TLL2: variants seen among roughly 807,000 people sequenced by gnomAD.
The protein encoded by TLL2 is tolloid like 2.
Under a neutral mutation model 123.0 loss-of-function variants are expected in TLL2, and 106 were observed. The observed-to-expected ratio is 0.86, with a 90% CI of 0.74 to 1.01. The LOEUF (loss-of-function observed/expected upper bound fraction) is 1.01, where lower values mean the gene tolerates loss of function less well. Ranked by LOEUF, TLL2 falls within the 50% of genes least tolerant of loss-of-function variation. The pLI, the probability that TLL2 is intolerant of heterozygous loss-of-function variation, is 0.00. For synonymous variants in TLL2, 494 were observed against 516.8 expected, an observed-to-expected ratio of 0.96 and a Z score of 0.60; for missense variants, 1,332 against 1,336.7, an observed-to-expected ratio of 1.00 and a Z score of 0.06.
intron 9 of TLL2, 55 bp from the exon 10 acceptor site, chr10:96,405,389 A>T (rs530202682): frequency 6.5e-7 from 1 of 1,548,504 alleles, no homozygotes; most frequent in African/African-American, 1.4e-5. Flanking sequence ...GGAGTTTGGG[A>T]AGATATATCT....
chr10:96,371,759 C>T (rs1203731938), intron 19 of TLL2, among the ~76,000 whole-genome samples: 1 of 152,236 alleles, frequency 6.6e-6, no homozygotes, highest in African/African-American at 2.4e-5. Flanking sequence ...ATCGATGACC[C>T]CGTGCCTTCT....
intron 2 of TLL2, among the ~76,000 whole-genome samples, chr10:96,477,635 C>G (rs1218322757): frequency 1.3e-5 from 2 of 152,230 alleles, no homozygotes; most frequent in African/African-American, 4.8e-5. Context: ...GTGCTAAGCA[C>G]TTTGCACATA....
At chr10:96,416,472 G>A (rs892711859) in intron 7 of TLL2, among the ~76,000 whole-genome samples, 1 of 152,182 alleles carries the variant, frequency 6.6e-6, no homozygotes, top group African/African-American at 2.4e-5. Context: ...CTCTACAGGG[G>A]AGAAGACTGA....
chr10:96,411,257 CAAAAAAAAAAAAA>C (rs56011735), intron 8 of TLL2, among the ~76,000 whole-genome samples: 4 of 95,170 alleles, frequency 4.2e-5, no homozygotes, highest in Admixed American at 1.1e-4. Context: ...GACTCTGTCT[CAAAAAAAAAAAAA>C]AAAAAAAAAA....
At chr10:96,509,803 T>C (rs1323742012) in intron 1 of TLL2, among the ~76,000 whole-genome samples, 1 of 152,052 alleles carries the variant, frequency 6.6e-6, no homozygotes, top group African/African-American at 2.4e-5. Context: ...AAAAAATAGC[T>C]GGGCATAGTG....
At chr10:96,463,571 G>A (rs1381048226) in intron 2 of TLL2, among the ~76,000 whole-genome samples, 9 of 152,176 alleles carry the variant, frequency 5.9e-5, no homozygotes, top group African/African-American at 9.7e-5. Context: ...GAGTTGTGAG[G>A]GGGCTTCAAG....
Position 96,387,080 on chromosome 10 carries a change from TG to T in TLL2, c.1727-3del. ...CTGGCCAGGAACACTCATCCACCTC[TG>T]GTGGGGAAGGAAGGTGACCCCGGTT... On this transcript the variant is annotated splice_polypyrimidine_tract_variant and splice_region_variant and intron_variant, in intron 13 of 20. Transcript: ENST00000357947. The T allele has an allele frequency of 1.2e-6, 2 of 1,612,316 alleles. No homozygotes were observed. The highest frequency in any genetic ancestry group is 1.1e-5 in the South Asian group (1 of 91,022).
intron 3 of TLL2, among the ~76,000 whole-genome samples, chr10:96,436,844 C>T (rs1846801042): frequency 6.6e-6 from 1 of 152,034 alleles, no homozygotes; most frequent in Admixed American, 6.6e-5. Flanking sequence ...TGCCACCACC[C>T]CCGGCTAATT....
chr10:96,466,894 G>C (rs1847137481), intron 2 of TLL2, among the ~76,000 whole-genome samples: 1 of 152,218 alleles, frequency 6.6e-6, no homozygotes, highest in African/African-American at 2.4e-5. Context: ...AGGAAGCTTA[G>C]AGTCCAGCAC....
rs779876581 is a variant in TLL2 at position 96,413,216 on chromosome 10, C to T, written c.1024G>A (p.Ala342Thr). The T allele has an allele frequency of 4.6e-5, 75 of 1,614,038 alleles. No individual in the cohort carries two copies. Among genetic ancestry groups the T allele is most frequent in the Non-Finnish European group, 6.2e-5 (73 of 1,180,000 alleles). The change falls in exon 8 of 21, where the codon GCC becomes ACC. Residue 342 changes from alanine to threonine, a missense_variant. Physicochemically the swap from Ala to Thr is moderately conservative, Grantham distance 58. Transcript: ENST00000357947. The part of the protein sequence containing the change: ...VRLSQGDIAQ[A>T]RKLYKCPACG... ...CCTGGGCATTTGTACAGCTTCCGGG[C>T]TTGAGCTATGTCTCCCTGACTGAGC...
At chr10:96,423,820 T>C (rs1743963120) in intron 5 of TLL2, among the ~76,000 whole-genome samples, 1 of 152,188 alleles carries the variant, frequency 6.6e-6, no homozygotes, top group Admixed American at 6.5e-5. Context: ...GTCAGTCTAT[T>C]GAAGAGATAT....
At chr10:96,379,713 G>A (rs10748675) in intron 16 of TLL2, among the ~76,000 whole-genome samples, 1 of 152,134 alleles carries the variant, frequency 6.6e-6, no homozygotes, top group Non-Finnish European at 1.5e-5. Flanking sequence ...TCCCAGCTAC[G>A]CGGGAGGCTG....
At chr10:96,386,396 C>G (rs1179339264) in intron 14 of TLL2, among the ~76,000 whole-genome samples, 181 bp from the exon 15 acceptor site, 1 of 152,196 alleles carries the variant, frequency 6.6e-6, no homozygotes, top group African/African-American at 2.4e-5. Flanking sequence ...TTTGAAGGAA[C>G]AAAATTGGGG....
intron 1 of TLL2, among the ~76,000 whole-genome samples, chr10:96,512,202 C>T (rs779616482): frequency 1.3e-5 from 2 of 152,182 alleles, no homozygotes; most frequent in African/African-American, 4.8e-5. Flanking sequence ...ACTCCTCCTG[C>T]CTCCTAGTAA....
At chr10:96,407,893 A>G (rs1173851265) in intron 9 of TLL2, among the ~76,000 whole-genome samples, 3 of 152,138 alleles carry the variant, frequency 2.0e-5, no homozygotes, top group South Asian at 2.1e-4. Flanking sequence ...GTGTGTGTGC[A>G]TGTGTGTGCG....
At chr10:96,411,257 C>CAAAAAAAAAAAAAAAA (rs56011735) in intron 8 of TLL2, among the ~76,000 whole-genome samples, 1 of 95,172 alleles carries the variant, frequency 1.1e-5, no homozygotes, top group African/African-American at 4.4e-5. Flanking sequence ...GACTCTGTCT[C>CAAAAAAAAAAAAAAAA]AAAAAAAAAA....
At chr10:96,472,277 T>C (rs1010666848) in intron 2 of TLL2, among the ~76,000 whole-genome samples, 5 of 152,134 alleles carry the variant, frequency 3.3e-5, no homozygotes, top group Non-Finnish European at 7.4e-5. Context: ...CGAGACATCG[T>C]CCCTTCTGTA....
chr10:96,400,357 C>CCAA (rs1846381107), intron 10 of TLL2, among the ~76,000 whole-genome samples: 1 of 109,894 alleles, frequency 9.1e-6, no homozygotes, highest in Admixed American at 9.6e-5. Context: ...CTACTACCAT[C>CCAA]AAAAAAAAAA....
At chr10:96,500,164 A>G (rs1359528420) in intron 1 of TLL2, among the ~76,000 whole-genome samples, 1 of 150,556 alleles carries the variant, frequency 6.6e-6, no homozygotes, top group African/African-American at 2.4e-5. Context: ...AAAAAAATAC[A>G]AAAATTAGCC....
Sources: gnomAD v4.1 joint callset for allele counts (sites outside exome capture counted in the v4.1 genomes callset) on GRCh38, gnomAD v4.1.1 for gene constraint, MANE v1.5 for transcripts, NCBI Gene and HGNC (gene_info 2026-07-23, HGNC 2026-07-21) for gene names.